The following CYP2C19 variants were observed in gnomAD, a reference collection of about 807,000 sequenced individuals.
The protein encoded by CYP2C19 is cytochrome P450 2C19.
In CYP2C19, 59 loss-of-function variants were observed where a neutral mutation model predicts 40.9. The observed-to-expected ratio is 1.44, with a 90% CI of 1.17 to 1.79. CYP2C19 has a LOEUF of 1.79. Among genes scored for constraint, CYP2C19 ranks in the 40% most tolerant of loss-of-function variants. The probability of loss-of-function intolerance (pLI) is 0.00; values close to 1 mark genes in which losing one functional copy is unlikely to be tolerated. For missense variants in CYP2C19, 754 were observed against 596.9 expected, an observed-to-expected ratio of 1.26 and a Z score of -2.74; for synonymous variants, 253 against 208.7, an observed-to-expected ratio of 1.21 and a Z score of -1.83.
chr10:94,820,075 G>T (rs1849087689), intron 5 of CYP2C19, among the ~76,000 whole-genome samples: 1 of 150,582 alleles, frequency 6.6e-6, no homozygotes, highest in African/African-American at 2.5e-5. Flanking sequence ...GGGATGCAAG[G>T]CTGGTTCAAT....
chr10:94,766,465 G>A (rs999494795), intron 1 of CYP2C19, among the ~76,000 whole-genome samples: 3 of 152,080 alleles, frequency 2.0e-5, no homozygotes, highest in Admixed American at 6.5e-5. Flanking sequence ...GATGTGATTA[G>A]GATTTTCATC....
At chr10:94,817,752 A>G (rs61886229) in intron 5 of CYP2C19, among the ~76,000 whole-genome samples, 148,566 of 151,972 alleles carry the variant, frequency 0.98, 72,719 homozygotes, top group East Asian at 1. Context: ...GGTGGCTCAC[A>G]CCTGTAATCC....
At chr10:94,817,733 G>C (rs1333855634) in intron 5 of CYP2C19, among the ~76,000 whole-genome samples, 3 of 151,964 alleles carry the variant, frequency 2.0e-5, no homozygotes, top group African/African-American at 7.3e-5. Context: ...TAAATCTTTG[G>C]CCGGGTGCGG....
intron 6 of CYP2C19, among the ~76,000 whole-genome samples, chr10:94,830,327 T>C (rs183602262): frequency 0.012 from 1,846 of 152,306 alleles, 53 homozygotes; most frequent in African/African-American, 0.042. Flanking sequence ...CGTAGGACCC[T>C]CCGAGCCAGG....
rs184241619 is a variant in CYP2C19, at chr10:94,846,650, G to A, written c.1150-3267G>A. ...TTTTTCTAATTTCATTATTCCTTCT[G>A]TATTTTTTAAACTATTAGAATCTAT... On this transcript the variant is annotated intron_variant, in intron 7 of 8. Transcript: ENST00000371321. Among the ~76,000 whole-genome samples the A allele has an allele frequency of 2.0e-5, 3 of 151,500 alleles. No individual in the cohort carries two copies. The East Asian group carries it at 5.8e-4, about 29-fold the overall frequency.
At chr10:94,796,270 C>T (rs1027485043) in intron 5 of CYP2C19, among the ~76,000 whole-genome samples, 1 of 152,098 alleles carries the variant, frequency 6.6e-6, no homozygotes, top group Admixed American at 6.6e-5. Flanking sequence ...TTTCCCATTT[C>T]TTGTTTTTGT....
At chr10:94,809,488 A>G (rs557002100) in intron 5 of CYP2C19, among the ~76,000 whole-genome samples, 2 of 152,240 alleles carry the variant, frequency 1.3e-5, no homozygotes, top group South Asian at 2.1e-4. Flanking sequence ...TTCTAAATCT[A>G]CAATCATGTA....
intron 5 of CYP2C19, among the ~76,000 whole-genome samples, chr10:94,788,269 CT>C (rs759901816): frequency 6.6e-6 from 1 of 151,954 alleles, no homozygotes; most frequent in Non-Finnish European, 1.5e-5. Flanking sequence ...CTTCCAGGAG[CT>C]TTTTGGAAGG....
At chr10:94,768,359 G>A (rs1454173757) in intron 1 of CYP2C19, among the ~76,000 whole-genome samples, 1 of 152,066 alleles carries the variant, frequency 6.6e-6, no homozygotes, top group Non-Finnish European at 1.5e-5. Flanking sequence ...CGGTATATAG[G>A]TTAAGGTCAG....
At chr10:94,767,078 A>G (rs576741103) in intron 1 of CYP2C19, among the ~76,000 whole-genome samples, 20 of 152,304 alleles carry the variant, frequency 1.3e-4, no homozygotes, top group Admixed American at 7.8e-4. Context: ...GTAGGAGGTC[A>G]TTTGTGAAAA....
chr10:94,833,137 A>G (rs1291671306), intron 6 of CYP2C19, among the ~76,000 whole-genome samples: 1 of 152,188 alleles, frequency 6.6e-6, no homozygotes, highest in Non-Finnish European at 1.5e-5. Context: ...GAATTTGTTC[A>G]TCAGTTCTAA....
chr10:94,793,333 C>T (rs546794789), intron 5 of CYP2C19, among the ~76,000 whole-genome samples: 32 of 151,926 alleles, frequency 2.1e-4, no homozygotes, highest in African/African-American at 6.3e-4. Flanking sequence ...TTGTTATTAC[C>T]GATCATCTGA....
intron 6 of CYP2C19, among the ~76,000 whole-genome samples, chr10:94,839,552 C>T (rs1188345720): frequency 6.6e-6 from 1 of 152,168 alleles, no homozygotes; most frequent in Non-Finnish European, 1.5e-5. Flanking sequence ...AACATGCATT[C>T]GCATAAACAA....
At chr10:94,766,517 G>T (rs1303948598) in intron 1 of CYP2C19, among the ~76,000 whole-genome samples, 10 of 152,048 alleles carry the variant, frequency 6.6e-5, no homozygotes, top group African/African-American at 1.9e-4. Context: ...CAAAGAGTAT[G>T]GTTAATATGC....
chr10:94,800,994 C>T (rs1414344195), intron 5 of CYP2C19, among the ~76,000 whole-genome samples: 1 of 152,180 alleles, frequency 6.6e-6, no homozygotes, highest in Non-Finnish European at 1.5e-5. Context: ...CAGTGCCCCA[C>T]CCTTCTTCAG....
At chr10:94,774,280 C>T (rs1564660681) in intron 1 of CYP2C19, 1 of 151,918 alleles carries the variant, frequency 6.6e-6, no homozygotes, top group Non-Finnish European at 1.5e-5. Context: ...ATGAGAATAG[C>T]CATGATAATA....
intron 1 of CYP2C19, among the ~76,000 whole-genome samples, chr10:94,767,475 A>G (rs1326656486): frequency 1.3e-5 from 2 of 152,212 alleles, no homozygotes; most frequent in Non-Finnish European, 2.9e-5. Context: ...TTGTAAAGGT[A>G]TCAACACAGA....
intron 6 of CYP2C19, among the ~76,000 whole-genome samples, chr10:94,823,345 C>T (rs1026250751): frequency 6.6e-6 from 1 of 152,132 alleles, no homozygotes; most frequent in East Asian, 1.9e-4. Flanking sequence ...TACTCAGGGA[C>T]AAAGGGCAGT....
intron 5 of CYP2C19, among the ~76,000 whole-genome samples, chr10:94,814,676 C>T (rs1276799839): frequency 8.7e-5 from 13 of 150,162 alleles, no homozygotes; most frequent in African/African-American, 2.7e-4. Context: ...AGTATTTGGG[C>T]GTCCTCCTAT....
Sources: allele counts gnomAD v4.1 joint callset (sites outside exome capture counted in the v4.1 genomes callset), GRCh38; gene constraint gnomAD v4.1.1; transcripts MANE v1.5; gene names NCBI Gene and HGNC (gene_info 2026-07-23, HGNC 2026-07-21).